The following C2CD3 variants were observed in gnomAD, a reference collection of about 807,000 sequenced individuals.
C2CD3 encodes C2 domain containing 3 centriole elongation regulator.
C2CD3 carries 148 observed loss-of-function variants against 234.0 expected under a neutral mutation model. That is an observed-to-expected ratio of 0.63 (90% confidence interval 0.55 to 0.72). The LOEUF is 0.72. C2CD3 is among the 30% of genes least tolerant of loss of function. C2CD3 has a pLI of 0.00. For missense variants in C2CD3, 2,577 were observed against 2,811.5 expected, an observed-to-expected ratio of 0.92 and a Z score of 1.89; for synonymous variants, 1,000 against 1,035.4, an observed-to-expected ratio of 0.97 and a Z score of 0.66.
intron 11 of C2CD3, 159 bp from the exon 12 acceptor site, chr11:74,109,311 T>C (rs1017575517): frequency 5.5e-6 from 3 of 548,838 alleles, no homozygotes; most frequent in East Asian, 3.2e-5. Flanking sequence ...GGTTGTAGGA[T>C]TGAATGAGCA....
chr11:74,078,835 AC>A, intron 22 of C2CD3, 118 bp from the exon 23 acceptor site: 1 of 895,074 alleles, frequency 1.1e-6, no homozygotes, highest in Non-Finnish European at 1.6e-6. Context: ...CAGAAAACAT[AC>A]CCACAGTGAG....
At chr11:74,072,142 AT>A (rs372290116) in intron 24 of C2CD3, among the ~76,000 whole-genome samples, 1 of 151,662 alleles carries the variant, frequency 6.6e-6, no homozygotes, top group Non-Finnish European at 1.5e-5. Context: ...GGGGCAGAAA[AT>A]TTTTTTTTCT....
chr11:74,118,905 A>ATTTTTTTTTTTTTTTTTTTTTTTTTT (rs1228553220), intron 8 of C2CD3, among the ~76,000 whole-genome samples: 1 of 127,950 alleles, frequency 7.8e-6, no homozygotes. Context: ...TGGATAGACT[A>ATTTTTTTTTTTTTTTTTTTTTTTTTT]TTTTTTTTTT....
chr11:74,020,857 A>G (rs924165066), intron 32 of C2CD3, among the ~76,000 whole-genome samples: 11 of 152,234 alleles, frequency 7.2e-5, no homozygotes, highest in Non-Finnish European at 1.0e-4. Context: ...TGAGCAGAGA[A>G]GTCACATGAT....
intron 23 of C2CD3, among the ~76,000 whole-genome samples, chr11:74,076,912 T>C (rs768071495): frequency 6.6e-6 from 1 of 152,204 alleles, no homozygotes; most frequent in Non-Finnish European, 1.5e-5. Context: ...TGATGCTTCA[T>C]TGTAATTATT....
At chr11:74,156,459 CAA>C (rs530606913) in intron 3 of C2CD3, among the ~76,000 whole-genome samples, 30 of 40,904 alleles carry the variant, frequency 7.3e-4, no homozygotes, top group African/African-American at 2.1e-3. Flanking sequence ...GACCCTATCT[CAA>C]AAAAAAAAAA....
intron 28 of C2CD3, 23 bp from the exon 29 acceptor site, chr11:74,042,241 A>T: frequency 6.5e-7 from 1 of 1,546,394 alleles, no homozygotes; most frequent in Non-Finnish European, 8.8e-7. Context: ...AAAAAAAAAA[A>T]AGTAGGAGCA....
chr11:74,042,917 T>C (rs765816303), intron 28 of C2CD3, among the ~76,000 whole-genome samples: 6 of 152,260 alleles, frequency 3.9e-5, no homozygotes, highest in Admixed American at 2.0e-4. Context: ...TTTCTGGCTT[T>C]GGCTTTTAAA....
At chr11:74,085,995 C>T in intron 20 of C2CD3, 109 bp from the exon 21 acceptor site, 3 of 1,098,580 alleles carry the variant, frequency 2.7e-6, no homozygotes, top group East Asian at 2.6e-5. Flanking sequence ...AAGAATAAAA[C>T]CAACTATATG....
chr11:74,063,566 C>G (rs1954356343), intron 24 of C2CD3, among the ~76,000 whole-genome samples: 1 of 152,110 alleles, frequency 6.6e-6, no homozygotes, highest in African/African-American at 2.4e-5. Context: ...AGGCCTTTGA[C>G]AAAATTCAAC....
At chr11:74,130,419 G>C (rs1957626680) in intron 7 of C2CD3, among the ~76,000 whole-genome samples, 1 of 148,936 alleles carries the variant, frequency 6.7e-6, no homozygotes, top group Non-Finnish European at 1.5e-5. Flanking sequence ...TTTTTGTAGA[G>C]ATGGGGGTTT....
chr11:74,167,360 T>G (rs1377557953), intron 2 of C2CD3, among the ~76,000 whole-genome samples: 3 of 152,246 alleles, frequency 2.0e-5, no homozygotes, highest in Non-Finnish European at 4.4e-5. Context: ...ACTTACTGCT[T>G]TTAACCTACT....
intron 2 of C2CD3, among the ~76,000 whole-genome samples, chr11:74,162,968 A>ATAAACTTC (rs1394973042): frequency 2.0e-5 from 3 of 152,334 alleles, no homozygotes; most frequent in African/African-American, 7.2e-5. Flanking sequence ...AGAAATGAAA[A>ATAAACTTC]TAAACTTCTC....
At chr11:74,146,062 G>A (rs1346118625) in intron 3 of C2CD3, among the ~76,000 whole-genome samples, 9 of 151,998 alleles carry the variant, frequency 5.9e-5, no homozygotes, top group Admixed American at 5.2e-4. Flanking sequence ...AATTATGATG[G>A]GCCTGTAGAA....
At chr11:74,098,582 C>T (rs1956199414) in intron 15 of C2CD3, among the ~76,000 whole-genome samples, 3 of 152,136 alleles carry the variant, frequency 2.0e-5, no homozygotes, top group Non-Finnish European at 4.4e-5. Context: ...GAAGTGTGGT[C>T]TACTAGGAAG....
chr11:74,061,566 A>G (rs1403802063), intron 24 of C2CD3, among the ~76,000 whole-genome samples: 13 of 152,232 alleles, frequency 8.5e-5, no homozygotes, highest in Admixed American at 8.5e-4. Context: ...CTGTAAAGAC[A>G]AATGCTGAGA....
Position 74,098,019 on chromosome 11 carries a change from G to A in C2CD3, c.2969C>T (p.Ser990Phe). 6.2e-7 allele frequency: 1 copy of A among 1,613,930 alleles called. No homozygotes were observed. Among genetic ancestry groups the A allele is most frequent in the East Asian group, 2.2e-5 (1 of 44,878 alleles). The stretch of plus-strand genomic sequence containing the variant: ...CATAGCGTTTATTACCATAGCAACA[G>A]ATGCTGCAGTTGGCTGGTCCAGGAA... ...AHFLDQPTAA[S>F]VAMAEDRGNG... is the part of the protein sequence containing the mutation. Residue 990 changes from serine to phenylalanine, a missense_variant, in exon 16 of 33, where the codon TCT (serine) becomes TTT (phenylalanine). Transcript: ENST00000334126.
chr11:74,134,531 T>TA (rs1295221379), intron 5 of C2CD3, among the ~76,000 whole-genome samples: 1 of 152,040 alleles, frequency 6.6e-6, no homozygotes, highest in East Asian at 1.9e-4. Flanking sequence ...TGTTTCTAAA[T>TA]AAAAACAAAT....
intron 16 of C2CD3, among the ~76,000 whole-genome samples, chr11:74,097,526 T>C (rs1956157321): frequency 1.3e-5 from 2 of 152,210 alleles, no homozygotes; most frequent in Non-Finnish European, 2.9e-5. Flanking sequence ...ATAACCCACC[T>C]CAGGTAGTTG....
Sources: allele counts gnomAD v4.1 joint callset (sites outside exome capture counted in the v4.1 genomes callset), GRCh38; gene constraint gnomAD v4.1.1; transcripts MANE v1.5; gene names NCBI Gene and HGNC (gene_info 2026-07-23, HGNC 2026-07-21).